RBPJ: variants seen among roughly 807,000 people sequenced by gnomAD.
RBPJ encodes the protein recombination signal binding protein for immunoglobulin kappa J region.
In RBPJ, 9 loss-of-function variants were observed where a neutral mutation model predicts 67.8. The ratio of observed to expected loss-of-function variants is 0.13; its 90% CI spans 0.08 to 0.23. RBPJ has a LOEUF of 0.23. Ranked by LOEUF, RBPJ falls within the 10% of genes least tolerant of loss-of-function variation. The pLI is 1.00. For synonymous variants in RBPJ, 198 were observed against 203.3 expected (o/e 0.97, Z 0.22); for missense variants, 305 against 595.6 (o/e 0.51, Z 5.08).
intron 1 of RBPJ, among the ~76,000 whole-genome samples, chr4:26,228,983 T>C (rs1719181304): frequency 6.6e-6 from 1 of 152,236 alleles, no homozygotes; most frequent in Non-Finnish European, 1.5e-5. Context: ...AAAACAACTA[T>C]TGGCTGATGG....
intron 1 of RBPJ, among the ~76,000 whole-genome samples, chr4:26,231,796 G>A (rs548061984): frequency 3.3e-5 from 5 of 151,720 alleles, no homozygotes; most frequent in East Asian, 1.9e-4. Context: ...TGATCCACTC[G>A]CCTCAGCCTC....
intron 2 of RBPJ, among the ~76,000 whole-genome samples, chr4:26,394,307 G>A (rs1421093363): frequency 1.3e-5 from 2 of 152,058 alleles, no homozygotes; most frequent in Admixed American, 6.5e-5. Context: ...GATTACAGGC[G>A]TGAGCCACCA....
intron 1 of RBPJ, among the ~76,000 whole-genome samples, chr4:26,296,436 G>T (rs766583384): frequency 1.3e-5 from 2 of 152,086 alleles, no homozygotes; most frequent in Non-Finnish European, 2.9e-5. Flanking sequence ...CTTAAGTTAG[G>T]GTGATATTAA....
chr4:26,366,996 C>T (rs533761391), intron 1 of RBPJ, among the ~76,000 whole-genome samples: 18 of 151,732 alleles, frequency 1.2e-4, no homozygotes, highest in African/African-American at 3.6e-4. Context: ...TGGTGGCAGG[C>T]GCCTGTAATC....
At position 26,398,592 on chromosome 4, in the gene RBPJ, C is replaced by G. The variant is rs181385083; in HGVS notation, c.60-7583C>G. Among the ~76,000 whole-genome samples, 11 of 152,294 alleles carry G rather than the reference C, an allele frequency of 7.2e-5. No homozygotes were observed. In the East Asian group the frequency reaches 1.9e-3, roughly 27 times the overall value. Reference sequence around the variant, plus strand: ...TTGAGCCAATCTCACCCCACCCTGTCTTTCCAATCTCATCTTTCAGAATTC... The same window carrying G: ...TTGAGCCAATCTCACCCCACCCTGTGTTTCCAATCTCATCTTTCAGAATTC... On this transcript the variant is annotated intron_variant, in intron 2 of 10. Coordinates refer to ENST00000355476, the MANE Select transcript of RBPJ (RefSeq NM_015874.6).
chr4:26,204,890 C>T (rs1178177213), intron 1 of RBPJ, among the ~76,000 whole-genome samples: 2 of 152,160 alleles, frequency 1.3e-5, no homozygotes, highest in Non-Finnish European at 2.9e-5. Context: ...CTGAGTTGGG[C>T]TAAATATAGT....
chr4:26,396,081 A>G (rs551689647), intron 2 of RBPJ, among the ~76,000 whole-genome samples: 1 of 152,308 alleles, frequency 6.6e-6, no homozygotes, highest in African/African-American at 2.4e-5. Flanking sequence ...GACAGGTAAA[A>G]TATTCATGTT....
At chr4:26,405,191 T>C (rs1398451722) in intron 2 of RBPJ, among the ~76,000 whole-genome samples, 1 of 152,172 alleles carries the variant, frequency 6.6e-6, no homozygotes, top group Non-Finnish European at 1.5e-5. Flanking sequence ...CAGAGGCTGG[T>C]TGAGGTTAAA....
chr4:26,259,064 A>T (rs1461972193), intron 1 of RBPJ, among the ~76,000 whole-genome samples: 2 of 152,088 alleles, frequency 1.3e-5, no homozygotes, highest in Non-Finnish European at 2.9e-5. Flanking sequence ...AGACTCCCAA[A>T]GTGCTGGGAT....
chr4:26,154,568 C>T, the RBPJ span, among the ~76,000 whole-genome samples: 1 of 152,058 alleles, frequency 6.6e-6, no homozygotes, highest in Non-Finnish European at 1.5e-5. Flanking sequence ...CACATCTGTT[C>T]TCAGGAACAT....
intron 1 of RBPJ, among the ~76,000 whole-genome samples, chr4:26,341,487 T>C (rs1473382074): frequency 6.6e-6 from 1 of 151,940 alleles, no homozygotes; most frequent in African/African-American, 2.4e-5. Context: ...GGTGCTATGC[T>C]CCTGTAATCT....
At chr4:26,259,119 T>C (rs140205659) in intron 1 of RBPJ, among the ~76,000 whole-genome samples, 132 of 151,974 alleles carry the variant, frequency 8.7e-4, no homozygotes, top group African/African-American at 3.0e-3. Context: ...TTTTTTAAGA[T>C]TAGGAAACAA....
intron 1 of RBPJ, among the ~76,000 whole-genome samples, chr4:26,255,322 T>C (rs1181975415): frequency 1.8e-5 from 2 of 108,690 alleles, no homozygotes; most frequent in African/African-American, 9.0e-5. Flanking sequence ...GAGAATGGCG[T>C]GAACCCAGGA....
At chr4:26,391,267 A>G (rs1731475003) in intron 2 of RBPJ, among the ~76,000 whole-genome samples, 1 of 152,236 alleles carries the variant, frequency 6.6e-6, no homozygotes, top group African/African-American at 2.4e-5. Context: ...TGGTAATTTA[A>G]AGTATTGTAT....
the RBPJ span, among the ~76,000 whole-genome samples, chr4:26,143,423 G>A: frequency 1.4e-4 from 21 of 152,328 alleles, no homozygotes; most frequent in Middle Eastern, 0.01. Flanking sequence ...ATGACTTCCA[G>A]GGCCCTGTGT....
chr4:26,350,771 T>G (rs934212365), intron 1 of RBPJ, among the ~76,000 whole-genome samples: 1 of 152,220 alleles, frequency 6.6e-6, no homozygotes, highest in African/African-American at 2.4e-5. Context: ...CCCTGGTTTT[T>G]GGCCTGAGCA....
rs376382955 is a variant in RBPJ at position 26,242,317 on chromosome 4, G to A, written c.-167+78703G>A. The stretch of plus-strand genomic sequence containing the variant: ...AAACAAATTAGCCGGGCATGGTGGC[G>A]GGCGCCTGTAGTCCCAGCTACTCGG... On this transcript the variant is annotated intron_variant, in intron 1 of 4. Transcript: ENST00000512351. 3.2e-4 allele frequency among the ~76,000 whole-genome samples: 49 copies of A among 151,986 alleles called. No homozygotes were observed. The East Asian group carries it at 7.0e-3, about 22-fold the overall frequency.
intron 1 of RBPJ, among the ~76,000 whole-genome samples, chr4:26,166,679 T>G (rs1716318396): frequency 1.3e-5 from 2 of 152,094 alleles, no homozygotes. Context: ...GCCTGCTCAC[T>G]CTGATGGTAG....
chr4:26,105,645 T>G, the RBPJ span, among the ~76,000 whole-genome samples: 1 of 151,996 alleles, frequency 6.6e-6, no homozygotes, highest in Admixed American at 6.6e-5. Flanking sequence ...TACTAATGAC[T>G]AGAACCAACT....
Sources: gnomAD v4.1 joint callset for allele counts (sites outside exome capture counted in the v4.1 genomes callset) on GRCh38, gnomAD v4.1.1 for gene constraint, MANE v1.5 for transcripts, NCBI Gene and HGNC (gene_info 2026-07-23, HGNC 2026-07-21) for gene names.